Variants in DEPDC5 observed in about 807,000 individuals in gnomAD.
DEPDC5 encodes the protein DEP domain containing 5, GATOR1 subcomplex subunit.
A neutral mutation model predicts 217.3 loss-of-function variants in DEPDC5; 73 were observed. That is an observed-to-expected ratio of 0.34 (90% CI 0.28 to 0.41). The LOEUF is 0.41. Ranked by LOEUF, DEPDC5 falls within the 10% of genes least tolerant of loss-of-function variation. The probability of loss-of-function intolerance (pLI) is 1.00; values close to 1 mark genes in which losing one functional copy is unlikely to be tolerated. For missense variants in DEPDC5, 1,675 were observed against 2,070.1 expected (o/e 0.81, Z 3.70); for synonymous variants, 733 against 756.7 (o/e 0.97, Z 0.51).
intron 20 of DEPDC5, 64 bp downstream of exon 20, chr22:31,810,705 A>G (rs2088193043): frequency 6.2e-7 from 1 of 1,601,160 alleles, no homozygotes; most frequent in Non-Finnish European, 8.5e-7. Flanking sequence ...GAAGTTCAGT[A>G]GTGACCTCTA....
chr22:31,818,990 T>A (rs2089427764), intron 21 of DEPDC5, 32 bp from the exon 22 acceptor site: 1 of 1,613,038 alleles, frequency 6.2e-7, no homozygotes, highest in Non-Finnish European at 8.5e-7. Context: ...CTGTGGTTTT[T>A]CTTTGTGACT....
At chr22:31,806,435 G>A (rs982942730) in intron 18 of DEPDC5, among the ~76,000 whole-genome samples, 3 of 152,148 alleles carry the variant, frequency 2.0e-5, no homozygotes, top group African/African-American at 4.8e-5. Flanking sequence ...CCATGAACAG[G>A]GTTAAGAAAT....
At chr22:31,788,725 C>G (rs1252613187) in intron 10 of DEPDC5, among the ~76,000 whole-genome samples, 2 of 151,846 alleles carry the variant, frequency 1.3e-5, no homozygotes, top group African/African-American at 2.4e-5. Context: ...AGGCGCCCAC[C>G]ACCACGCCCA....
At chr22:31,873,169 T>C (rs751839524) in intron 34 of DEPDC5, 86 bp from the exon 35 acceptor site, 3 of 1,607,190 alleles carry the variant, frequency 1.9e-6, no homozygotes, top group South Asian at 1.1e-5. Flanking sequence ...TCTGGCTCCA[T>C]AGGAAGTGGA....
At chr22:31,770,196 C>T (rs1023639923) in intron 7 of DEPDC5, among the ~76,000 whole-genome samples, 1 of 151,328 alleles carries the variant, frequency 6.6e-6, no homozygotes, top group African/African-American at 2.4e-5. Context: ...TATCATGCCA[C>T]TGCACTGCAG....
chr22:31,791,394 T>C (rs62238904), intron 10 of DEPDC5, among the ~76,000 whole-genome samples: 15,317 of 151,924 alleles, frequency 0.1, 836 homozygotes, highest in Admixed American at 0.14. Flanking sequence ...CCCAGCACTT[T>C]GGGAGGCCGA....
intron 8 of DEPDC5, among the ~76,000 whole-genome samples, chr22:31,779,652 C>G (rs896853157): frequency 6.6e-6 from 1 of 152,164 alleles, no homozygotes; most frequent in Non-Finnish European, 1.5e-5. Flanking sequence ...ACTACTCATT[C>G]AGTTGTGTTT....
chr22:31,766,562 T>TA, intron 5 of DEPDC5, 23 bp from the exon 6 acceptor site: 1 of 1,607,658 alleles, frequency 6.2e-7, no homozygotes, highest in Non-Finnish European at 8.5e-7. Context: ...ATGTCAGAGA[T>TA]ATCATTTGAT....
At chr22:31,879,802 C>T (rs371758271) in intron 38 of DEPDC5, 50 bp downstream of exon 38, 148 of 1,545,672 alleles carry the variant, frequency 9.6e-5, no homozygotes, top group Non-Finnish European at 1.2e-4. Flanking sequence ...TGGGTGGCTG[C>T]GGGAAAGTAG....
chr22:31,811,226 C>T lies in DEPDC5; in HGVS notation c.1445+585C>T, dbSNP rs558466190. 2.0e-5 allele frequency among the ~76,000 whole-genome samples: 3 copies of T among 152,220 alleles called. No individual in the cohort carries two copies. In the South Asian group the frequency reaches 6.2e-4, roughly 32 times the overall value. On this transcript the variant is annotated intron_variant, in intron 20 of 42. Coordinates refer to ENST00000651528, the MANE Select transcript of DEPDC5 (RefSeq NM_001242896.3). ...CTGGGATTAAAGGCACGTGCCACCA[C>T]GTCCAGCTAATATTTGTGTTTTTTG... is the stretch of plus-strand genomic sequence containing the variant.
At chr22:31,803,133 C>G (rs1288583665) in intron 15 of DEPDC5, among the ~76,000 whole-genome samples, 2 of 152,072 alleles carry the variant, frequency 1.3e-5, no homozygotes, top group Non-Finnish European at 2.9e-5. Context: ...ACTCTGAGTT[C>G]CCCAAACATA....
At chr22:31,856,927 A>G (rs2092326727) in intron 31 of DEPDC5, among the ~76,000 whole-genome samples, 1 of 152,042 alleles carries the variant, frequency 6.6e-6, no homozygotes, top group Admixed American at 6.6e-5. Flanking sequence ...GCACTGCCAC[A>G]CCGGGCTAAT....
At chr22:31,810,434 G>T in intron 19 of DEPDC5, 87 bp from the exon 20 acceptor site, 1 of 1,581,186 alleles carries the variant, frequency 6.3e-7, no homozygotes, top group South Asian at 1.1e-5. Context: ...GTATTTGGAT[G>T]ACAATTTATA....
chr22:31,857,331 A>G lies in DEPDC5; in HGVS notation c.3156-114A>G, dbSNP rs1166665432. ...GAAGGTCTGGAAAGGGAAACAAGGC[A>G]GAAGTGTGTGTTTCAAAGATGACAG... is the stretch of plus-strand genomic sequence containing the variant. On this transcript the variant is annotated intron_variant, in intron 31 of 42. Coordinates refer to ENST00000651528, the MANE Select transcript of DEPDC5 (RefSeq NM_001242896.3). 3.7e-6 allele frequency: 3 copies of G among 810,510 alleles called. No homozygotes were observed. In the East Asian group the frequency reaches 8.2e-5, roughly 22 times the overall value. The allele number at this position is 810,510 out of a possible 1,614,324, so 50.2% of individuals were successfully genotyped here.
intron 39 of DEPDC5, among the ~76,000 whole-genome samples, chr22:31,897,040 C>T (rs554230303): frequency 6.6e-6 from 1 of 152,104 alleles, no homozygotes; most frequent in South Asian, 2.1e-4. Context: ...TTGCTTGAAC[C>T]TGGGAGGCGG....
At chr22:31,758,401 C>A in intron 2 of DEPDC5, 145 bp from the exon 3 acceptor site, 1 of 679,640 alleles carries the variant, frequency 1.5e-6, no homozygotes, top group Non-Finnish European at 2.6e-6. Context: ...ATCCATTAGT[C>A]ATTGTAAGCC....
At chr22:31,827,692 C>G (rs569175968) in intron 24 of DEPDC5, among the ~76,000 whole-genome samples, 1 of 152,276 alleles carries the variant, frequency 6.6e-6, no homozygotes, top group East Asian at 1.9e-4. Context: ...ACGCTCAGTC[C>G]TCGTCTCCTG....
chr22:31,844,828 T>C (rs983400120), intron 29 of DEPDC5, 190 bp from the exon 30 acceptor site: 1 of 637,824 alleles, frequency 1.6e-6, no homozygotes, highest in Non-Finnish European at 2.7e-6. Flanking sequence ...GTGCTGGGAT[T>C]ATAGGTGTGA....
intron 19 of DEPDC5, 51 bp downstream of exon 19, chr22:31,809,698 G>T: frequency 6.2e-7 from 1 of 1,601,622 alleles, no homozygotes. Flanking sequence ...AGAGTCAGCT[G>T]GCTGGGTGCA....
Sources: allele counts gnomAD v4.1 joint callset (sites outside exome capture counted in the v4.1 genomes callset), GRCh38; gene constraint gnomAD v4.1.1; transcripts MANE v1.5; gene names NCBI Gene and HGNC (gene_info 2026-07-23, HGNC 2026-07-21).